PHACTR4: variants seen among roughly 807,000 people sequenced by gnomAD.
PHACTR4 encodes phosphatase and actin regulator 4, also known as protein phosphatase 1, regulatory subunit 124.
In PHACTR4, 51 loss-of-function variants were observed where a neutral mutation model predicts 72.7. The observed-to-expected ratio is 0.70, with a 90% CI of 0.56 to 0.89. PHACTR4 has a LOEUF of 0.89. PHACTR4 is among the 40% of genes least tolerant of loss of function. The probability of loss-of-function intolerance (pLI) is 0.00; values close to 1 mark genes in which losing one functional copy is unlikely to be tolerated. For synonymous variants in PHACTR4, 255 were observed against 302.5 expected (o/e 0.84, Z 1.63); for missense variants, 731 against 861.8 (o/e 0.85, Z 1.90).
At chr1:28,389,620 G>A (rs1652843164) in intron 1 of PHACTR4, among the ~76,000 whole-genome samples, 1 of 151,912 alleles carries the variant, frequency 6.6e-6, no homozygotes, top group South Asian at 2.1e-4. Context: ...TGGGACGACG[G>A]GCGCGTGCCA....
chr1:28,393,655 T>C (rs1442975939), intron 1 of PHACTR4, among the ~76,000 whole-genome samples: 1 of 152,110 alleles, frequency 6.6e-6, no homozygotes, highest in East Asian at 1.9e-4. Context: ...TACTATACTT[T>C]TTAATTGTTA....
At chr1:28,456,339 A>G (rs981762218) in intron 2 of PHACTR4, among the ~76,000 whole-genome samples, 4 of 152,178 alleles carry the variant, frequency 2.6e-5, no homozygotes, top group Admixed American at 6.6e-5. Context: ...CTCACTCACT[A>G]TTGCTAAGGC....
At chr1:28,427,080 G>A (rs547542359) in intron 2 of PHACTR4, among the ~76,000 whole-genome samples, 1 of 152,256 alleles carries the variant, frequency 6.6e-6, no homozygotes, top group South Asian at 2.1e-4. Flanking sequence ...AGTGGCCACA[G>A]TATTGGACAG....
intron 2 of PHACTR4, among the ~76,000 whole-genome samples, chr1:28,423,296 C>G (rs973780791): frequency 3.9e-4 from 60 of 152,168 alleles, no homozygotes; most frequent in Non-Finnish European, 5.6e-4. Flanking sequence ...ATAGTCCCAG[C>G]TATTTAAGTG....
At chr1:28,434,599 C>T (rs1656509954) in intron 2 of PHACTR4, among the ~76,000 whole-genome samples, 1 of 152,186 alleles carries the variant, frequency 6.6e-6, no homozygotes, top group Non-Finnish European at 1.5e-5. Context: ...GGATTACAGG[C>T]ATGAGCCACT....
chr1:28,476,249 AT>A lies in PHACTR4; in HGVS notation c.1566del (p.Gln523SerfsTer20). ...KESDSDSEGP[I>X]QYRDEEDEDE... ...GAGCGACTCTGATTCAGAAGGTCCC[AT>A]TCAGTACCGAGATGAAGAAGATGAA... is the stretch of plus-strand genomic sequence containing the variant. On this transcript the variant is annotated frameshift_variant, in exon 8 of 14. Transcript: ENST00000373839. LOFTEE classifies it high-confidence loss of function. 6.2e-7 allele frequency: 1 copy of A among 1,612,258 alleles called. No homozygotes were observed. Among genetic ancestry groups the A allele is most frequent in the Non-Finnish European group, 8.5e-7 (1 of 1,179,486 alleles).
chr1:28,370,028 G>A (rs1651104757), intron 1 of PHACTR4, among the ~76,000 whole-genome samples: 1 of 151,890 alleles, frequency 6.6e-6, no homozygotes, highest in Admixed American at 6.6e-5. Context: ...GGTCCAACCC[G>A]GGCTTCTCCG....
intron 2 of PHACTR4, among the ~76,000 whole-genome samples, chr1:28,411,406 A>G (rs1226531206): frequency 2.0e-5 from 3 of 152,202 alleles, no homozygotes; most frequent in African/African-American, 7.2e-5. Context: ...ATTCAATCAT[A>G]ATATGGAGTT....
At chr1:28,408,298 G>A (rs1242010288) in intron 2 of PHACTR4, among the ~76,000 whole-genome samples, 1 of 152,122 alleles carries the variant, frequency 6.6e-6, no homozygotes, top group Non-Finnish European at 1.5e-5. Context: ...AGTGGCTCAT[G>A]CCTGTAATCC....
chr1:28,452,271 T>C (rs1658033227), intron 2 of PHACTR4, among the ~76,000 whole-genome samples: 1 of 150,840 alleles, frequency 6.6e-6, no homozygotes, highest in African/African-American at 2.4e-5. Flanking sequence ...TTTGGGAATC[T>C]GAGGCAAGAG....
intron 2 of PHACTR4, among the ~76,000 whole-genome samples, chr1:28,454,350 C>T (rs1047259982): frequency 5.6e-5 from 8 of 141,888 alleles, no homozygotes; most frequent in African/African-American, 1.9e-4. Flanking sequence ...GATCTCGGCT[C>T]TCTGCAAGCT....
chr1:28,382,402 C>T (rs1652247257), intron 1 of PHACTR4, among the ~76,000 whole-genome samples: 1 of 151,730 alleles, frequency 6.6e-6, no homozygotes, highest in Admixed American at 6.6e-5. Flanking sequence ...CTCCTGAGTT[C>T]ACTCCATTCT....
intron 2 of PHACTR4, among the ~76,000 whole-genome samples, chr1:28,411,954 AT>A (rs1461337565): frequency 6.6e-6 from 1 of 152,256 alleles, no homozygotes; most frequent in Non-Finnish European, 1.5e-5. Flanking sequence ...TATTCTGGAA[AT>A]AAAAGTAGTG....
intron 2 of PHACTR4, among the ~76,000 whole-genome samples, chr1:28,446,481 C>T (rs1302698141): frequency 6.6e-6 from 1 of 152,136 alleles, no homozygotes; most frequent in East Asian, 1.9e-4. Context: ...GAGATCTGGT[C>T]ATTTAAAAGT....
At chr1:28,440,391 A>ATTGTT (rs1414224976) in intron 2 of PHACTR4, among the ~76,000 whole-genome samples, 1 of 89,966 alleles carries the variant, frequency 1.1e-5, no homozygotes, top group Non-Finnish European at 2.2e-5. Flanking sequence ...AAATTCATCA[A>ATTGTT]TTCTTTTTTT....
chr1:28,376,803 A>AT (rs1234130989), intron 1 of PHACTR4, among the ~76,000 whole-genome samples: 13 of 141,272 alleles, frequency 9.2e-5, no homozygotes, highest in Non-Finnish European at 1.8e-4. Context: ...CACCCGGCTA[A>AT]TTTTTTTGTA....
intron 1 of PHACTR4, among the ~76,000 whole-genome samples, chr1:28,393,331 C>A (rs531581040): frequency 2.0e-5 from 3 of 152,170 alleles, no homozygotes; most frequent in Admixed American, 6.5e-5. Flanking sequence ...ACTATGGCAA[C>A]ACTAATTTAT....
chr1:28,452,657 G>A (rs1225246014), intron 2 of PHACTR4, among the ~76,000 whole-genome samples: 1 of 151,142 alleles, frequency 6.6e-6, no homozygotes, highest in African/African-American at 2.4e-5. Context: ...TTAGCTGGGC[G>A]TGGTGGTACA....
rs887924177 is a variant in PHACTR4, at chr1:28,465,703, A to G, written c.290A>G (p.Lys97Arg). Reference sequence around the variant, plus strand: ...CTTGCAGGTGGTGAGGATCCAGGAAAGCCAAGCGATGCCATGTTAAAGAAT... The same window carrying G: ...CTTGCAGGTGGTGAGGATCCAGGAAGGCCAAGCGATGCCATGTTAAAGAAT... ...DPEQGGEDPG[K>R]PSDAMLKNGH... Residue 97 changes from lysine to arginine, a missense_variant, in exon 5 of 14, where the codon AAG (lysine) becomes AGG (arginine). Around this residue, in one of 2 missense-constraint regions of PHACTR4, gnomAD observed 621 missense variants for 676.6 expected, o/e 0.92. Coordinates refer to ENST00000373839, the MANE Select transcript of PHACTR4 (RefSeq NM_001048183.3). The G allele has an allele frequency of 3.7e-6, 6 of 1,613,610 alleles. No homozygotes were observed. The highest frequency in any genetic ancestry group is 1.3e-5 in the African/African-American group (1 of 74,892).
Sources: allele counts gnomAD v4.1 joint callset (sites outside exome capture counted in the v4.1 genomes callset), GRCh38; gene constraint gnomAD v4.1.1; regional missense constraint gnomAD v4.1.1; transcripts MANE v1.5; gene names NCBI Gene and HGNC (gene_info 2026-07-23, HGNC 2026-07-21).